The following TPGS1 variants were observed in gnomAD, a reference collection of about 807,000 sequenced individuals.
The protein encoded by TPGS1 is tubulin polyglutamylase complex subunit 1, also known as gene trap ROSA b-geo 22.
A neutral mutation model predicts 11.9 loss-of-function variants in TPGS1; 18 were observed. The ratio of observed to expected loss-of-function variants is 1.51; its 90% confidence interval spans 1.04 to 2.24. The LOEUF is 2.24. TPGS1 is among the 30% of genes most tolerant of loss of function. TPGS1 has a pLI of 0.00. For missense variants in TPGS1, 500 were observed against 443.0 expected (o/e 1.13, Z -1.16); for synonymous variants, 247 against 218.2 (o/e 1.13, Z -1.16).
chr19:512,080 A>G (rs1411979646), intron 1 of TPGS1, among the ~76,000 whole-genome samples: 1 of 152,154 alleles, frequency 6.6e-6, no homozygotes, highest in Non-Finnish European at 1.5e-5. Context: ...CATGTTGGCC[A>G]GGCTGGTCTT....
chr19:509,360 C>T (rs1978719125), intron 1 of TPGS1: 1 of 152,336 alleles, frequency 6.6e-6, no homozygotes, highest in Non-Finnish European at 1.5e-5. Context: ...GCACAAGCCA[C>T]TCACCCCGTA....
intron 1 of TPGS1, among the ~76,000 whole-genome samples, chr19:516,511 A>C (rs1306551013): frequency 6.6e-6 from 1 of 151,664 alleles, no homozygotes; most frequent in African/African-American, 2.4e-5. Context: ...CAGACTCCCG[A>C]GTAGCTGGGA....
chr19:507,907 G>C, intron 1 of TPGS1, 63 bp downstream of exon 1: 1 of 1,236,984 alleles, frequency 8.1e-7, no homozygotes, highest in Non-Finnish European at 1.0e-6. Flanking sequence ...AGCATGCCGC[G>C]CGCGGCTCCC....
chr19:513,148 C>T (rs897552262), intron 1 of TPGS1, among the ~76,000 whole-genome samples: 1 of 152,220 alleles, frequency 6.6e-6, no homozygotes, highest in African/African-American at 2.4e-5. Context: ...GGCCTCACAG[C>T]AGATCCTGAT....
intron 1 of TPGS1, among the ~76,000 whole-genome samples, chr19:518,674 C>T (rs867629229): frequency 2.2e-4 from 29 of 133,264 alleles, no homozygotes; most frequent in African/African-American, 8.2e-4. Context: ...GAGGAGAGGC[C>T]CTAGCTGGGA....
chr19:510,951 A>C (rs572247679), intron 1 of TPGS1, among the ~76,000 whole-genome samples: 1 of 152,352 alleles, frequency 6.6e-6, no homozygotes, highest in African/African-American at 2.4e-5. Context: ...CAGATGTCCC[A>C]GACACCGCCC....
At position 519,474 on chromosome 19, in the gene TPGS1, C is replaced by T; in HGVS notation, c.*51C>T. 1.7e-6 allele frequency: 2 copies of T among 1,172,564 alleles called. No homozygotes were observed. Among genetic ancestry groups the T allele is most frequent in the Admixed American group, 4.6e-5 (1 of 21,948 alleles). 72.6% of individuals were successfully genotyped at this position (1,172,564 alleles called of 1,614,324 possible). ...ATCTGCGCTGGGGGGTCCCCGCGTG[C>T]GGGGCGCGCGGAGCCTTCCCTTCGC... On this transcript the variant is annotated 3_prime_UTR_variant, in exon 2 of 2. Transcript: ENST00000359315.
chr19:515,826 A>T (rs1379883364), intron 1 of TPGS1, among the ~76,000 whole-genome samples: 1 of 152,058 alleles, frequency 6.6e-6, no homozygotes, highest in Non-Finnish European at 1.5e-5. Context: ...AGGTCAGGAG[A>T]TCGAGACCAT....
At chr19:510,052 C>T (rs1197509938) in intron 1 of TPGS1, 1 of 152,362 alleles carries the variant, frequency 6.6e-6, no homozygotes, top group Non-Finnish European at 1.5e-5. Flanking sequence ...GTCAGGAACC[C>T]CTGAGGTCAC....
chr19:511,265 G>A (rs1005732810), intron 1 of TPGS1, among the ~76,000 whole-genome samples: 3 of 152,204 alleles, frequency 2.0e-5, no homozygotes, highest in African/African-American at 4.8e-5. Context: ...TCCCTCACCC[G>A]ATGATTCTGC....
intron 1 of TPGS1, 106 bp from the exon 2 acceptor site, chr19:518,783 T>G: frequency 9.0e-7 from 1 of 1,115,420 alleles, no homozygotes; most frequent in Non-Finnish European, 1.1e-6. Context: ...AGGCCAGGGC[T>G]GGCTGGGGGG....
chr19:514,940 G>A (rs974270486), intron 1 of TPGS1, among the ~76,000 whole-genome samples: 24 of 152,350 alleles, frequency 1.6e-4, no homozygotes, highest in African/African-American at 5.8e-4. Context: ...CAGCACACGA[G>A]TGGCACGTAG....
At chr19:512,966 GGCC>G (rs1978844656) in intron 1 of TPGS1, among the ~76,000 whole-genome samples, 1 of 152,244 alleles carries the variant, frequency 6.6e-6, no homozygotes, top group Non-Finnish European at 1.5e-5. Flanking sequence ...CGGGGGACTG[GGCC>G]GCCTCGCGTC....
chr19:517,936 A>G (rs1600404760), intron 1 of TPGS1, among the ~76,000 whole-genome samples: 3 of 38,652 alleles, frequency 7.8e-5, no homozygotes, highest in Admixed American at 3.2e-4. Context: ...GAGGAGGGAG[A>G]TCCAGGTTGG....
intron 1 of TPGS1, among the ~76,000 whole-genome samples, chr19:517,050 C>T (rs1381314024): frequency 2.6e-5 from 4 of 152,100 alleles, no homozygotes; most frequent in African/African-American, 4.8e-5. Flanking sequence ...CTACTGTGGG[C>T]AGGGCAGTGT....
At chr19:511,688 G>A (rs1342034688) in intron 1 of TPGS1, among the ~76,000 whole-genome samples, 1 of 152,276 alleles carries the variant, frequency 6.6e-6, no homozygotes, top group African/African-American at 2.4e-5. Flanking sequence ...GCTGGACCAG[G>A]GCTGCCGCCC....
Position 507,517 on chromosome 19 carries a change from T to A in TPGS1, c.11T>A (p.Val4Glu), listed in dbSNP as rs1331571227. The change falls in exon 1 of 2, where the codon GTG (valine) becomes GAG (glutamate). Residue 4 changes from valine (V) to glutamate (E), a missense_variant. By Grantham distance (121) the Val-to-Glu change is moderately radical (BLOSUM62 -2). Coordinates refer to ENST00000359315, the MANE Select transcript of TPGS1 (RefSeq NM_033513.3). ...CTGCCCTCAGCGAAGATGGCGGCAG[T>A]GGAGAAGCGGCGGCAAGCGGTACCA... MAA[V>E]EKRRQAVPPP... 7.0e-7 allele frequency: 1 copy of A among 1,420,530 alleles called. No individual in the cohort carries two copies. Among genetic ancestry groups the A allele is most frequent in the South Asian group, 1.5e-5 (1 of 66,734 alleles). The allele number at this position is 1,420,530 out of a possible 1,614,324, so 88.0% of individuals were successfully genotyped here. A position where few individuals can be genotyped will look rare whatever the true frequency, so the allele number is the denominator to read the frequency against.
intron 1 of TPGS1, 94 bp downstream of exon 1, chr19:507,938 G>C: frequency 9.8e-7 from 1 of 1,016,576 alleles, no homozygotes; most frequent in Non-Finnish European, 1.3e-6. Flanking sequence ...GCCGGCGCAG[G>C]GGCCCGGGGC....
chr19:511,671 T>C (rs577870906), intron 1 of TPGS1, among the ~76,000 whole-genome samples: 1 of 152,380 alleles, frequency 6.6e-6, no homozygotes, highest in Non-Finnish European at 1.5e-5. Flanking sequence ...GCGTGGATGC[T>C]TGCGGAGCTG....
Sources: gnomAD v4.1 joint callset for allele counts (sites outside exome capture counted in the v4.1 genomes callset) on GRCh38, gnomAD v4.1.1 for gene constraint, MANE v1.5 for transcripts, NCBI Gene and HGNC (gene_info 2026-07-23, HGNC 2026-07-21) for gene names.